Variants in ST7 observed in about 807,000 individuals in gnomAD.
ST7 encodes suppressor of tumorigenicity 7 protein.
In ST7, 28 loss-of-function variants were observed where a neutral mutation model predicts 78.7. That is an observed-to-expected ratio of 0.36 (90% CI 0.26 to 0.49). ST7 has a LOEUF of 0.49. Ranked by LOEUF, ST7 falls within the 20% of genes least tolerant of loss-of-function variation. ST7 has a pLI of 0.99. For missense variants in ST7, 418 were observed against 696.0 expected, an observed-to-expected ratio of 0.60 and a Z score of 4.49; for synonymous variants, 247 against 249.6, an observed-to-expected ratio of 0.99 and a Z score of 0.10.
At chr7:117,200,993 TA>T (rs1232876744) in intron 12 of ST7, among the ~76,000 whole-genome samples, 1 of 152,136 alleles carries the variant, frequency 6.6e-6, no homozygotes, top group Non-Finnish European at 1.5e-5. Flanking sequence ...ATGCAAACAC[TA>T]AAGCAGTCCT....
At chr7:116,956,534 C>T in intron 1 of ST7, 2 of 471,186 alleles carry the variant, frequency 4.2e-6, no homozygotes, top group South Asian at 3.1e-5. Context: ...CCTTCCTCCT[C>T]AAGGAAGCCA....
At chr7:117,003,939 C>G (rs562971005) in intron 1 of ST7, among the ~76,000 whole-genome samples, 1 of 152,236 alleles carries the variant, frequency 6.6e-6, no homozygotes, top group African/African-American at 2.4e-5. Context: ...TTTTCATTGT[C>G]TCTACAACTC....
intron 1 of ST7, among the ~76,000 whole-genome samples, chr7:117,012,166 A>G (rs1020730979): frequency 6.6e-6 from 1 of 152,070 alleles, no homozygotes; most frequent in South Asian, 2.1e-4. Context: ...TCTCTGTTCA[A>G]TTTTTTCATA....
At chr7:117,222,134 G>GA (rs1408617098) in intron 15 of ST7, 72 bp downstream of exon 15, 20 of 1,505,676 alleles carry the variant, frequency 1.3e-5, no homozygotes, top group Non-Finnish European at 1.6e-5. Context: ...CAGCGTGAGA[G>GA]AAATGGGGTT....
chr7:117,219,138 C>T lies in ST7; in HGVS notation c.1460C>T (p.Pro487Leu). 6.2e-7 allele frequency: 1 copy of T among 1,613,602 alleles called. No individual in the cohort carries two copies. ...LEKGHLFYPY[P>L]ICTETADREL... Reference sequence around the variant, plus strand: ...AAGGGGCACCTATTTTATCCTTACCCAATCTGTACAGAAACAGCAGACCGA... The same window carrying T: ...AAGGGGCACCTATTTTATCCTTACCTAATCTGTACAGAAACAGCAGACCGA... Residue 487 changes from proline (P) to leucine (L), a missense_variant, in exon 14 of 16, where the codon CCA (proline) becomes CTA (leucine). Physicochemically the swap from Pro to Leu is moderately conservative, Grantham distance 98. This residue lies in a region of ST7 where 288 missense variants were observed against 537.1 expected (regional missense o/e 0.54). Transcript: ENST00000323984. The surrounding 1 kb of genome is among the most constrained non-coding windows in gnomAD (Gnocchi z 5.1).
intron 12 of ST7, among the ~76,000 whole-genome samples, chr7:117,192,284 C>T (rs564722909): frequency 1.3e-5 from 2 of 152,272 alleles, no homozygotes; most frequent in East Asian, 1.9e-4. Context: ...CAGAGCTATT[C>T]AGTAAGCATA....
chr7:117,177,504 G>A (rs540989164), intron 10 of ST7, among the ~76,000 whole-genome samples: 28 of 152,326 alleles, frequency 1.8e-4, no homozygotes, highest in African/African-American at 5.8e-4. Context: ...CACCAGCCAC[G>A]GAAGGGCCCT....
chr7:117,107,993 T>C (rs1802117522), intron 2 of ST7, among the ~76,000 whole-genome samples: 2 of 152,190 alleles, frequency 1.3e-5, no homozygotes, highest in Non-Finnish European at 1.5e-5. Context: ...ATATTAGTCC[T>C]TTGTCAGATG....
rs571176355 is a variant in ST7 at position 117,024,524 on chromosome 7, A to C, written c.151+70833A>C. ...CCTACCTTATTAGTTCAGTGAAGAGAGCAACACCTTACCTGCTGAGAAACA... is the reference window on the plus strand; with the variant it reads ...CCTACCTTATTAGTTCAGTGAAGAGCGCAACACCTTACCTGCTGAGAAACA... On this transcript the variant is annotated intron_variant, in intron 1 of 15. Transcript: ENST00000323984. 2.8e-3 allele frequency among the ~76,000 whole-genome samples: 429 copies of C among 152,318 alleles called. 5 individuals carry two copies. The highest frequency in any genetic ancestry group is 2.7e-3 in the Non-Finnish European group (187 of 68,020).
chr7:116,979,958 CT>C lies in ST7; in HGVS notation c.151+26284del, dbSNP rs745530832. Among the ~76,000 whole-genome samples the C allele has an allele frequency of 4.8e-4, 41 of 86,256 alleles. 1 individual carries two copies. The highest frequency in any genetic ancestry group is 8.0e-4 in the East Asian group (2 of 2,500). 56.6% of individuals were successfully genotyped at this position (86,256 alleles called of 152,430 possible). A position where few individuals can be genotyped will look rare whatever the true frequency, so the allele number is the denominator to read the frequency against. On this transcript the variant is annotated intron_variant, in intron 1 of 15. Coordinates refer to ENST00000323984, the MANE Select transcript of ST7 (RefSeq NM_001369598.1). ...CCTTTTTTCTTTTTCTTTTGTTTCT[CT>C]TTTTTTTTTTTTTTTTGGAGACAGA...
chr7:117,183,638 A>G (rs1808972440), intron 10 of ST7, among the ~76,000 whole-genome samples: 1 of 152,058 alleles, frequency 6.6e-6, no homozygotes, highest in African/African-American at 2.4e-5. Context: ...CACTTTCCTT[A>G]CCTTGAACAC....
intron 15 of ST7, among the ~76,000 whole-genome samples, chr7:117,224,384 T>C (rs995839163): frequency 6.6e-6 from 1 of 152,224 alleles, no homozygotes; most frequent in Non-Finnish European, 1.5e-5. Context: ...TATTGCTGCC[T>C]TGGATGTTCC....
chr7:117,158,350 G>A (rs1034198778), intron 9 of ST7, among the ~76,000 whole-genome samples: 1 of 152,166 alleles, frequency 6.6e-6, no homozygotes, highest in African/African-American at 2.4e-5. Flanking sequence ...TTAAGGAAAA[G>A]CTTCCTCTTT....
At chr7:117,180,223 T>C (rs184002791) in intron 10 of ST7, among the ~76,000 whole-genome samples, 1 of 152,308 alleles carries the variant, frequency 6.6e-6, no homozygotes, top group Admixed American at 6.5e-5. Flanking sequence ...GAGAAGAGCC[T>C]GTCAGGACCT....
At chr7:117,008,685 T>A (rs1795256087) in intron 1 of ST7, among the ~76,000 whole-genome samples, 1 of 152,174 alleles carries the variant, frequency 6.6e-6, no homozygotes, top group African/African-American at 2.4e-5. Context: ...TTCTTGAATT[T>A]CTGACCCTGA....
chr7:117,012,154 A>G (rs1193078420), intron 1 of ST7, among the ~76,000 whole-genome samples: 1 of 152,146 alleles, frequency 6.6e-6, no homozygotes, highest in Non-Finnish European at 1.5e-5. Context: ...TTTCATTCTG[A>G]TTCTCTGTTC....
intron 1 of ST7, among the ~76,000 whole-genome samples, chr7:117,067,595 A>G (rs1025161155): frequency 6.6e-6 from 1 of 151,852 alleles, no homozygotes; most frequent in Non-Finnish European, 1.5e-5. Context: ...CTCCTGGGGG[A>G]TGGTTGGGGT....
chr7:117,188,317 A>T (rs1809448798), intron 10 of ST7, among the ~76,000 whole-genome samples: 1 of 152,230 alleles, frequency 6.6e-6, no homozygotes, highest in African/African-American at 2.4e-5. Flanking sequence ...CTCGCAGGGC[A>T]TTCCAGGGGC....
chr7:117,151,056 C>T (rs1166040853), intron 9 of ST7, among the ~76,000 whole-genome samples: 2 of 152,246 alleles, frequency 1.3e-5, no homozygotes, highest in Non-Finnish European at 2.9e-5. Flanking sequence ...CTGAAATCCT[C>T]ATTCAGGTTA....
Sources: allele counts gnomAD v4.1 joint callset (sites outside exome capture counted in the v4.1 genomes callset), GRCh38; gene constraint gnomAD v4.1.1; regional missense constraint gnomAD v4.1.1; non-coding constraint Gnocchi (gnomAD v3.1); transcripts MANE v1.5; gene names NCBI Gene and HGNC (gene_info 2026-07-23, HGNC 2026-07-21).